NAA20: variants seen among roughly 807,000 people sequenced by gnomAD.
NAA20 encodes N-alpha-acetyltransferase 20.
A neutral mutation model predicts 23.8 loss-of-function variants in NAA20; 24 were observed. The observed-to-expected ratio is 1.01, with a 90% CI of 0.73 to 1.42. The LOEUF is 1.42. Ranked by LOEUF, NAA20 falls within the 40% of genes most tolerant of loss-of-function variation. The pLI is 0.00. For missense variants in NAA20, 166 were observed against 223.1 expected (o/e 0.74, Z 1.63); for synonymous variants, 83 against 77.7 (o/e 1.07, Z -0.36).
Position 20,017,528 on chromosome 20 carries a change from G to A in NAA20, c.53+79G>A, listed in dbSNP as rs950849239. On this transcript the variant is annotated intron_variant, in intron 1 of 5. Transcript: ENST00000334982. ...CCCCGCCAGCTCCGGCCCCAGCCGC[G>A]CCTTCCCGGCCGGACCCCAAGCCCG... is the stretch of plus-strand genomic sequence containing the variant. The A allele has an allele frequency of 4.5e-5, 68 of 1,521,634 alleles. No homozygotes were observed. The East Asian group carries it at 1.2e-3, about 28-fold the overall frequency. 94.3% of individuals were successfully genotyped at this position (1,521,634 alleles called of 1,614,324 possible).
At chr20:20,029,960 G>C (rs2043331932) in intron 4 of NAA20, among the ~76,000 whole-genome samples, 1 of 152,106 alleles carries the variant, frequency 6.6e-6, no homozygotes, top group Admixed American at 6.5e-5. Flanking sequence ...TAGCAAAATA[G>C]GTTATAAGCC....
chr20:20,028,476 TAAAG>T, intron 4 of NAA20, among the ~76,000 whole-genome samples: 1 of 152,168 alleles, frequency 6.6e-6, no homozygotes, highest in African/African-American at 2.4e-5. Flanking sequence ...TCCCAGAACT[TAAAG>T]TATAATAATA....
intron 1 of NAA20, chr20:20,018,344 T>C: frequency 2.2e-6 from 1 of 461,708 alleles, no homozygotes; most frequent in South Asian, 2.5e-5. Context: ...GTATCTCTCC[T>C]TCCTTCCCAT....
chr20:20,021,041 G>GC (rs1491293694), intron 1 of NAA20, among the ~76,000 whole-genome samples: 1 of 28,048 alleles, frequency 3.6e-5, no homozygotes, highest in Non-Finnish European at 7.1e-5. Context: ...CGGTGGGCGG[G>GC]GGGGGGGGGG....
chr20:20,017,963 G>A, intron 1 of NAA20: 1 of 1,613,888 alleles, frequency 6.2e-7, no homozygotes, highest in Non-Finnish European at 8.5e-7. Context: ...AAGCCCACCT[G>A]GTGGCCGTGG....
chr20:20,026,377 G>A (rs1162855600), intron 3 of NAA20, among the ~76,000 whole-genome samples: 1 of 151,928 alleles, frequency 6.6e-6, no homozygotes, highest in Non-Finnish European at 1.5e-5. Context: ...ACATAATGCA[G>A]GCATCATAGC....
At chr20:20,027,850 G>A (rs564172522) in intron 4 of NAA20, among the ~76,000 whole-genome samples, 2 of 151,378 alleles carry the variant, frequency 1.3e-5, no homozygotes, top group South Asian at 2.1e-4. Context: ...GCCCCTCCTC[G>A]TATCTTCATT....
At position 20,033,210 on chromosome 20, in the gene NAA20, A is replaced by G. The variant is rs1401724651; in HGVS notation, c.*23A>G. ...TAACCCTGGGCAGTGGTTCTTAGGCAGATACTCTAGATGCTTTATGGACAA... is the reference window on the plus strand; with the variant it reads ...TAACCCTGGGCAGTGGTTCTTAGGCGGATACTCTAGATGCTTTATGGACAA... On this transcript the variant is annotated 3_prime_UTR_variant, in exon 6 of 6. Transcript: ENST00000334982. The G allele has an allele frequency of 2.0e-6, 3 of 1,511,254 alleles. No individual in the cohort carries two copies. The allele number at this position is 1,511,254 out of a possible 1,614,324, so 93.6% of individuals were successfully genotyped here.
chr20:20,017,313 TC>T (rs2043237425), upstream of NAA20: 1 of 1,574,758 alleles, frequency 6.4e-7, no homozygotes, highest in African/African-American at 1.4e-5. Flanking sequence ...CTCGCTCGGT[TC>T]CGCGGCGGCC....
chr20:20,026,767 TTTG>T lies in NAA20; in HGVS notation c.170-7_170-5del, dbSNP rs750049044. 12 of 1,612,038 alleles carry T rather than the reference TTTG, an allele frequency of 7.4e-6. No homozygotes were observed. The highest frequency in any genetic ancestry group is 3.3e-5 in the Admixed American group (2 of 59,922). On this transcript the variant is annotated splice_polypyrimidine_tract_variant and intron_variant, in intron 3 of 5. Transcript: ENST00000334982. Reference sequence around the variant, plus strand: ...CAATGTCTAGTTACTGAATGTGATTTTTGTTGTTGTTGGCAGTTATGGGTAAAG... The same window carrying T: ...CAATGTCTAGTTACTGAATGTGATTTTTGTTGTTGGCAGTTATGGGTAAAG...
At chr20:20,024,322 C>G (rs1410149390) in intron 2 of NAA20, among the ~76,000 whole-genome samples, 1 of 152,108 alleles carries the variant, frequency 6.6e-6, no homozygotes, top group Non-Finnish European at 1.5e-5. Flanking sequence ...TGTCCATTGT[C>G]AGGATACAGG....
chr20:20,017,321 G>C (rs1337155499), upstream of NAA20: 7 of 1,587,398 alleles, frequency 4.4e-6, no homozygotes, highest in South Asian at 3.4e-5. Context: ...GTTCCGCGGC[G>C]GCCACGCTCC....
intron 3 of NAA20, among the ~76,000 whole-genome samples, 186 bp from the exon 4 acceptor site, chr20:20,026,598 A>T (rs1286806135): frequency 1.3e-5 from 2 of 152,104 alleles, no homozygotes; most frequent in Non-Finnish European, 2.9e-5. Context: ...TAAATGTAAC[A>T]GATAGTGTTA....
intron 2 of NAA20, among the ~76,000 whole-genome samples, chr20:20,023,704 C>T (rs1417874779): frequency 2.0e-5 from 3 of 152,096 alleles, no homozygotes; most frequent in African/African-American, 4.8e-5. Flanking sequence ...GCTTAATGAA[C>T]GTGTTAAGAG....
At chr20:20,017,577 C>T (rs1258281646) in intron 1 of NAA20, 128 bp downstream of exon 1, 2 of 1,357,490 alleles carry the variant, frequency 1.5e-6, no homozygotes, top group East Asian at 2.8e-5. Flanking sequence ...GAGAACCACC[C>T]CCCGCCGGCC....
At chr20:20,019,918 T>G (rs556082671) in intron 1 of NAA20, among the ~76,000 whole-genome samples, 5 of 152,314 alleles carry the variant, frequency 3.3e-5, no homozygotes, top group African/African-American at 1.2e-4. Context: ...CCTCTTTGAT[T>G]AGGGCATTTT....
At chr20:20,017,885 G>GCCT (rs2043242460) in intron 1 of NAA20, 1 of 1,590,038 alleles carries the variant, frequency 6.3e-7, no homozygotes, top group Admixed American at 1.7e-5. Context: ...ACCGCCGACG[G>GCCT]CCAGGCCGCA....
rs375425231 is a variant in NAA20, at chr20:20,033,136, G to T, written c.486G>T (p.Lys162Asn). ...AAGCACTTTCCAGGGATACTGAGAA[G>T]AAATCCATCATACCATTACCTCATC... Reference protein sequence around the residue: ...MRKALSRDTEKKSIIPLPHPV... With the variant: ...MRKALSRDTENKSIIPLPHPV... The change falls in exon 6 of 6, where the codon AAG (lysine) becomes AAT (asparagine). Residue 162 changes from lysine (K) to asparagine (N), a missense_variant. Transcript: ENST00000334982. 6.2e-6 allele frequency: 10 copies of T among 1,613,658 alleles called. No homozygotes were observed. The highest frequency in any genetic ancestry group is 8.5e-6 in the Non-Finnish European group (10 of 1,179,760).
intron 4 of NAA20, among the ~76,000 whole-genome samples, chr20:20,029,616 C>CAAAAAAAAAAA (rs59199004): frequency 8.0e-6 from 1 of 125,416 alleles, no homozygotes; most frequent in Non-Finnish European, 1.7e-5. Flanking sequence ...GACTCCATCT[C>CAAAAAAAAAAA]AAAAAAAAAA....
Sources: gnomAD v4.1 joint callset for allele counts (sites outside exome capture counted in the v4.1 genomes callset) on GRCh38, gnomAD v4.1.1 for gene constraint, MANE v1.5 for transcripts, NCBI Gene and HGNC (gene_info 2026-07-23, HGNC 2026-07-21) for gene names.